PARVG: variants seen among roughly 807,000 people sequenced by gnomAD.
PARVG encodes the protein parvin gamma, also known as gamma-parvin.
PARVG carries 36 observed loss-of-function variants against 44.4 expected under a neutral mutation model. The ratio of observed to expected loss-of-function variants is 0.81; its 90% CI spans 0.62 to 1.07. The LOEUF (loss-of-function observed/expected upper bound fraction) is 1.07. PARVG is among the 50% of genes least tolerant of loss of function. PARVG has a pLI of 0.00. For missense variants in PARVG, 407 were observed against 407.4 expected, an observed-to-expected ratio of 1.00 and a Z score of 0.01; for synonymous variants, 170 against 174.1, an observed-to-expected ratio of 0.98 and a Z score of 0.19.
rs558394039 is a variant in PARVG, at chr22:44,180,982, T to G, written c.-392T>G. 1 of 985,328 alleles carries G rather than the reference T, an allele frequency of 1.0e-6. No individual in the cohort carries two copies. The highest frequency in any genetic ancestry group is 1.2e-6 in the Non-Finnish European group (1 of 829,850). 61.0% of individuals were successfully genotyped at this position (985,328 alleles called of 1,614,324 possible). On this transcript the variant is annotated 5_prime_UTR_variant, in exon 1 of 14. Transcript: ENST00000444313. ...TCTCTATCTACTGTGCTGAGATCTC[T>G]CCTTCTCGAACCCTGCTATGCCTTT...
chr22:44,190,552 CATCTTCAACA>C lies in PARVG; in HGVS notation c.392_401del (p.Ile131ArgfsTer41). 1 of 1,613,310 alleles carries C rather than the reference CATCTTCAACA, an allele frequency of 6.2e-7. No individual in the cohort carries two copies. The highest frequency in any genetic ancestry group is 1.1e-5 in the South Asian group (1 of 91,066). On this transcript the variant is annotated frameshift_variant and splice_region_variant, in exon 7 of 14. Transcript: ENST00000444313. LOFTEE classifies it high-confidence loss of function. ...GACCTGTCTCCACTCTCTTCCCAGGCATCTTCAACAAGGACCTGTTGTCTACCCTGCACCT... is the reference window on the plus strand; with the variant it reads ...GACCTGTCTCCACTCTCTTCCCAGGCAGGACCTGTTGTCTACCCTGCACCT...
At position 44,196,557 on chromosome 22, in the gene PARVG, G is replaced by C. The variant is rs530397305; in HGVS notation, c.711+142G>C. The C allele has an allele frequency of 1.0e-5, 10 of 1,001,876 alleles. No individual in the cohort carries two copies. The Admixed American group carries it at 1.1e-4, about 11-fold the overall frequency. 62.1% of individuals were successfully genotyped at this position (1,001,876 alleles called of 1,614,324 possible). On this transcript the variant is annotated intron_variant, in intron 11 of 13. Coordinates refer to ENST00000444313, the MANE Select transcript of PARVG (RefSeq NM_022141.7). Reference sequence around the variant, plus strand: ...AGCCTTAGGGTCCCCCTCCCCGGTGGGACTGTTGCTGGCAGGCAGCAGTGG... The same window carrying C: ...AGCCTTAGGGTCCCCCTCCCCGGTGCGACTGTTGCTGGCAGGCAGCAGTGG...
intron 12 of PARVG, among the ~76,000 whole-genome samples, chr22:44,202,026 G>A (rs1230616289): frequency 1.3e-5 from 2 of 152,256 alleles, no homozygotes; most frequent in Non-Finnish European, 2.9e-5. Flanking sequence ...GAATTGGGCC[G>A]ATGGTGGGAT....
At chr22:44,196,463 G>T in intron 11 of PARVG, 48 bp downstream of exon 11, 1 of 1,603,020 alleles carries the variant, frequency 6.2e-7, no homozygotes, top group Non-Finnish European at 8.5e-7. Flanking sequence ...GCCACTGGCC[G>T]TAGGAAGGAA....
At chr22:44,205,708 C>T in intron 12 of PARVG, 49 bp from the exon 13 acceptor site, 2 of 1,607,250 alleles carry the variant, frequency 1.2e-6, no homozygotes, top group Non-Finnish European at 1.7e-6. Context: ...CAAGGCCTGG[C>T]CTGGGGCTGC....
At chr22:44,185,477 G>C in intron 3 of PARVG, 1 of 256,806 alleles carries the variant, frequency 3.9e-6, no homozygotes, top group East Asian at 1.0e-4. Context: ...AGCCTGGTGA[G>C]CCTGGGCACC....
chr22:44,180,524 A>G (rs2054360741), upstream of PARVG, among the ~76,000 whole-genome samples: 1 of 152,168 alleles, frequency 6.6e-6, no homozygotes, highest in African/African-American at 2.4e-5. Flanking sequence ...TAGGTCCTGC[A>G]CGGTGGCTTC....
chr22:44,204,868 C>T (rs1316740206), intron 12 of PARVG, among the ~76,000 whole-genome samples: 1 of 152,198 alleles, frequency 6.6e-6, no homozygotes, highest in Non-Finnish European at 1.5e-5. Flanking sequence ...AGGCAAAGGG[C>T]TGGGACCTAC....
intron 12 of PARVG, among the ~76,000 whole-genome samples, chr22:44,203,485 T>G (rs2054736933): frequency 6.6e-6 from 1 of 152,174 alleles, no homozygotes; most frequent in South Asian, 2.1e-4. Context: ...AGATATCCCC[T>G]TTCCTGTCCA....
chr22:44,181,347 G>A, intron 1 of PARVG, 162 bp downstream of exon 1: 6 of 985,558 alleles, frequency 6.1e-6, no homozygotes, highest in Non-Finnish European at 7.2e-6. Context: ...GGGGGCGTGG[G>A]GAAGTCTGCA....
chr22:44,175,865 A>G (rs1436278459), intron 1 of PARVG, among the ~76,000 whole-genome samples: 1 of 152,182 alleles, frequency 6.6e-6, no homozygotes, highest in African/African-American at 2.4e-5. Flanking sequence ...AAATGGGGCA[A>G]AGGCCACATA....
Position 44,181,014 on chromosome 22 carries a change from G to C in PARVG, c.-360G>C, listed in dbSNP as rs1178932309. 1 of 980,068 alleles carries C rather than the reference G, an allele frequency of 1.0e-6. No individual in the cohort carries two copies. Among genetic ancestry groups the C allele is most frequent in the African/African-American group, 1.8e-5 (1 of 57,052 alleles). The allele number at this position is 980,068 out of a possible 1,614,324, so 60.7% of individuals were successfully genotyped here. A position where few individuals can be genotyped will look rare whatever the true frequency, so the allele number is the denominator to read the frequency against. On this transcript the variant is annotated 5_prime_UTR_variant, in exon 1 of 14. Transcript: ENST00000444313. ...CGAACCCTGCTATGCCTTTGCATACGCTGTTTTCTCCACCTGCCACGTTCT... is the reference window on the plus strand; with the variant it reads ...CGAACCCTGCTATGCCTTTGCATACCCTGTTTTCTCCACCTGCCACGTTCT...
intron 5 of PARVG, chr22:44,188,237 A>C: frequency 3.9e-6 from 1 of 256,118 alleles, no homozygotes. Flanking sequence ...TAGAGAGAAA[A>C]CGGGCAGTCC....
intron 7 of PARVG, 82 bp downstream of exon 7, chr22:44,190,748 T>C: frequency 8.0e-7 from 1 of 1,248,414 alleles, no homozygotes; most frequent in Non-Finnish European, 1.2e-6. Flanking sequence ...TGGGTGGAGC[T>C]GGCTGGGGCG....
Position 44,206,465 on chromosome 22 carries a change from C to A in PARVG, c.*39C>A. The A allele has an allele frequency of 6.3e-7, 1 of 1,589,588 alleles. No individual in the cohort carries two copies. The highest frequency in any genetic ancestry group is 8.6e-7 in the Non-Finnish European group (1 of 1,158,186). On this transcript the variant is annotated 3_prime_UTR_variant, in exon 14 of 14. Transcript: ENST00000444313. ...CAAAGCCCAGAGCCTGCCTGTCAGC[C>A]CAGCTGGAGGGCCCGAGGCTGCAGG...
At chr22:44,191,388 ATTTT>A (rs35954868) in intron 7 of PARVG, among the ~76,000 whole-genome samples, 102 of 63,462 alleles carry the variant, frequency 1.6e-3, no homozygotes, top group African/African-American at 5.7e-3. Flanking sequence ...AGTCATTTCT[ATTTT>A]TTTTTTTTTT....
chr22:44,177,675 A>G (rs1462398496), upstream of PARVG, among the ~76,000 whole-genome samples: 5 of 152,142 alleles, frequency 3.3e-5, no homozygotes, highest in South Asian at 2.1e-4. Flanking sequence ...TCAGCGCATC[A>G]TTACCAGGAG....
In PARVG at chr22:44,189,776, G is replaced by A. The variant is rs1468301538; in HGVS notation, c.388+522G>A. Among the ~76,000 whole-genome samples, 4 of 152,154 alleles carry A rather than the reference G, an allele frequency of 2.6e-5. No individual in the cohort carries two copies. The East Asian group carries it at 7.7e-4, about 29-fold the overall frequency. On this transcript the variant is annotated intron_variant, in intron 6 of 13. Transcript: ENST00000444313. ...TACTAAAAATACAAAAATTAGCTGG[G>A]CGTGGTGGCCGGTGCCTGTAATCCC...
intron 11 of PARVG, among the ~76,000 whole-genome samples, chr22:44,197,616 C>G (rs961998901): frequency 1.3e-5 from 2 of 152,176 alleles, no homozygotes; most frequent in African/African-American, 4.8e-5. Flanking sequence ...GCCTCCACCA[C>G]TTATGGGCCC....
Sources: allele counts gnomAD v4.1 joint callset (sites outside exome capture counted in the v4.1 genomes callset), GRCh38; gene constraint gnomAD v4.1.1; transcripts MANE v1.5; gene names NCBI Gene and HGNC (gene_info 2026-07-23, HGNC 2026-07-21).